The following LMNTD1 variants were observed in gnomAD, a reference collection of about 807,000 sequenced individuals.
LMNTD1 encodes lamin tail domain containing 1.
A neutral mutation model predicts 50.9 loss-of-function variants in LMNTD1; 35 were observed. The ratio of observed to expected loss-of-function variants is 0.69; its 90% CI spans 0.53 to 0.91. LMNTD1 has a LOEUF of 0.91. LMNTD1 is among the 40% of genes least tolerant of loss of function. The pLI is 0.00. For synonymous variants in LMNTD1, 153 were observed against 161.9 expected (o/e 0.94, Z 0.42); for missense variants, 470 against 475.5 (o/e 0.99, Z 0.11).
chr12:25,637,749 T>C (rs1946865973), intron 1 of LMNTD1, among the ~76,000 whole-genome samples: 1 of 152,092 alleles, frequency 6.6e-6, no homozygotes, highest in African/African-American at 2.4e-5. Context: ...GACAATGCAA[T>C]TTAAAGATGG....
intron 2 of LMNTD1, among the ~76,000 whole-genome samples, chr12:25,552,467 G>A (rs763676760): frequency 6.6e-6 from 1 of 151,454 alleles, no homozygotes; most frequent in Non-Finnish European, 1.5e-5. Context: ...TTAGCCGGGC[G>A]TGGTGGCGGG....
At chr12:25,611,066 C>T (rs375205026) in intron 1 of LMNTD1, among the ~76,000 whole-genome samples, 28 of 152,022 alleles carry the variant, frequency 1.8e-4, no homozygotes, top group South Asian at 1.0e-3. Context: ...GTGAAGAGAA[C>T]GAAGAGAACC....
Position 25,631,089 on chromosome 12 carries a change from G to A in LMNTD1, c.58+17405C>T, listed in dbSNP as rs181454923. On this transcript the variant is annotated intron_variant, in intron 1 of 7. Coordinates refer to the LMNTD1 transcript ENST00000445693. ...AACAGAGGCAGCCATAATCCGCCTA[G>A]GAACATAACTCCATTGGCCTGGGGA... Among the ~76,000 whole-genome samples the A allele has an allele frequency of 2.9e-3, 445 of 152,196 alleles. 2 individuals are homozygous for A. Among genetic ancestry groups the A allele is most frequent in the African/African-American group, 0.01 (428 of 41,510 alleles).
intron 1 of LMNTD1, among the ~76,000 whole-genome samples, chr12:25,577,640 T>C (rs1282524982): frequency 2.6e-5 from 4 of 152,162 alleles, no homozygotes; most frequent in African/African-American, 9.7e-5. Flanking sequence ...CAGGGACAAT[T>C]TGACTTCCTC....
intron 9 of LMNTD1, among the ~76,000 whole-genome samples, chr12:25,490,317 A>AT (rs1204983846): frequency 9.6e-5 from 9 of 93,298 alleles, no homozygotes; most frequent in East Asian, 1.6e-3. Flanking sequence ...TGACCATAAT[A>AT]TTTTTTTTAA....
At chr12:25,596,833 T>C (rs1945854354) in intron 1 of LMNTD1, among the ~76,000 whole-genome samples, 1 of 152,026 alleles carries the variant, frequency 6.6e-6, no homozygotes. Context: ...GACGAACCAA[T>C]TCAAAATAAT....
At chr12:25,540,921 A>G (rs1019747057) in intron 4 of LMNTD1, among the ~76,000 whole-genome samples, 9 of 136,644 alleles carry the variant, frequency 6.6e-5, no homozygotes, top group Non-Finnish European at 1.4e-4. Flanking sequence ...AAGCATTCCT[A>G]TACACCAACA....
chr12:25,523,597 A>G (rs566096375), intron 6 of LMNTD1, among the ~76,000 whole-genome samples: 15 of 152,132 alleles, frequency 9.9e-5, no homozygotes, highest in Admixed American at 9.8e-4. Flanking sequence ...TGTCTTTTTA[A>G]GGAAAATTTA....
intron 1 of LMNTD1, among the ~76,000 whole-genome samples, chr12:25,617,717 T>C (rs917029241): frequency 1.3e-5 from 2 of 152,218 alleles, no homozygotes; most frequent in African/African-American, 2.4e-5. Flanking sequence ...AAAATGATCA[T>C]GATGGGAAGA....
intron 1 of LMNTD1, among the ~76,000 whole-genome samples, chr12:25,605,415 C>A (rs927033694): frequency 6.6e-6 from 1 of 152,112 alleles, no homozygotes; most frequent in African/African-American, 2.4e-5. Flanking sequence ...GAAGTCCTTG[C>A]CCATGCCTAT....
intron 8 of LMNTD1, among the ~76,000 whole-genome samples, chr12:25,517,719 T>G (rs1940901124): frequency 8.5e-5 from 1 of 11,748 alleles, no homozygotes; most frequent in Admixed American, 1.1e-3. Context: ...ATAATAATAA[T>G]AATAATAATA....
chr12:25,643,678 C>G (rs1383810875), intron 1 of LMNTD1, among the ~76,000 whole-genome samples: 1 of 152,160 alleles, frequency 6.6e-6, no homozygotes, highest in Non-Finnish European at 1.5e-5. Context: ...TGACCAGTCA[C>G]CCTGAAGACC....
At chr12:25,616,860 C>T (rs1039717200) in intron 1 of LMNTD1, among the ~76,000 whole-genome samples, 7 of 152,074 alleles carry the variant, frequency 4.6e-5, no homozygotes, top group East Asian at 3.8e-4. Context: ...TAGCTGACTA[C>T]AAAGGGGCAC....
At chr12:25,555,889 T>G (rs1234928657), upstream of LMNTD1, among the ~76,000 whole-genome samples, 3 of 151,380 alleles carry the variant, frequency 2.0e-5, no homozygotes, top group African/African-American at 7.3e-5. Context: ...GTCATCAACA[T>G]GGCTGTGTCT....
At chr12:25,624,422 A>G (rs1946541771) in intron 1 of LMNTD1, among the ~76,000 whole-genome samples, 2 of 152,260 alleles carry the variant, frequency 1.3e-5, no homozygotes, top group Admixed American at 1.3e-4. Context: ...GAGCAAAGCT[A>G]AAGGATTAAT....
chr12:25,581,689 T>G (rs1945295401), intron 1 of LMNTD1, among the ~76,000 whole-genome samples: 1 of 152,208 alleles, frequency 6.6e-6, no homozygotes, highest in South Asian at 2.1e-4. Context: ...GAGAGATGCA[T>G]CATTAGGTGA....
intron 1 of LMNTD1, among the ~76,000 whole-genome samples, chr12:25,621,864 A>G (rs1946479363): frequency 6.6e-6 from 1 of 152,212 alleles, no homozygotes; most frequent in Non-Finnish European, 1.5e-5. Context: ...TTTATGCTGA[A>G]TGAGATGGGA....
In LMNTD1 at chr12:25,591,465, T is replaced by G. The variant is rs1170561081; in HGVS notation, c.59-44911A>C. ...GAGGGGGAAGGACTGTGTCTTGTGG[T>G]TTGAGTGCCATCTCAGCTGCAGAAC... On this transcript the variant is annotated intron_variant, in intron 1 of 7. Coordinates refer to the LMNTD1 transcript ENST00000445693. Among the ~76,000 whole-genome samples, 6 of 152,106 alleles carry G rather than the reference T, an allele frequency of 3.9e-5. No individual in the cohort carries two copies. The East Asian group carries it at 1.2e-3, about 30-fold the overall frequency.
intron 1 of LMNTD1, among the ~76,000 whole-genome samples, chr12:25,562,648 C>T (rs893834203): frequency 2.0e-5 from 3 of 152,188 alleles, no homozygotes; most frequent in East Asian, 3.9e-4. Flanking sequence ...ATCTTTGTGG[C>T]GTTCTCTGTA....
Sources: gnomAD v4.1 joint callset for allele counts (sites outside exome capture counted in the v4.1 genomes callset) on GRCh38, gnomAD v4.1.1 for gene constraint, MANE v1.5 for transcripts, NCBI Gene and HGNC (gene_info 2026-07-23, HGNC 2026-07-21) for gene names.